TFAP2D: variants seen among roughly 807,000 people sequenced by gnomAD.
The protein encoded by TFAP2D is transcription factor AP-2 delta.
Under a neutral mutation model 43.6 loss-of-function variants are expected in TFAP2D, and 9 were observed. The observed-to-expected ratio is 0.21, with a 90% CI of 0.12 to 0.36. TFAP2D has a LOEUF of 0.36. Ranked by LOEUF, TFAP2D falls within the 10% of genes least tolerant of loss-of-function variation. The pLI is 1.00. For missense variants in TFAP2D, 513 were observed against 561.4 expected (o/e 0.91, Z 0.87); for synonymous variants, 256 against 224.9 (o/e 1.14, Z -1.24).
intron 5 of TFAP2D, among the ~76,000 whole-genome samples, chr6:50,730,410 T>C (rs1019881947): frequency 2.6e-5 from 4 of 152,082 alleles, no homozygotes; most frequent in Non-Finnish European, 5.9e-5. Flanking sequence ...TACCATGTTC[T>C]AGGTCTTGTG....
intron 7 of TFAP2D, among the ~76,000 whole-genome samples, chr6:50,762,328 A>C (rs2113892669): frequency 6.6e-6 from 1 of 151,964 alleles, no homozygotes; most frequent in African/African-American, 2.4e-5. Context: ...CCATTTTACA[A>C]GTCCACAGGT....
intron 3 of TFAP2D, among the ~76,000 whole-genome samples, chr6:50,724,444 AC>A (rs764860304): frequency 1.1e-4 from 17 of 152,196 alleles, no homozygotes; most frequent in Non-Finnish European, 2.2e-4. Flanking sequence ...CACCGACGCT[AC>A]GACGAGTGGG....
intron 5 of TFAP2D, among the ~76,000 whole-genome samples, chr6:50,740,548 T>C (rs963939683): frequency 6.6e-6 from 1 of 152,152 alleles, no homozygotes; most frequent in African/African-American, 2.4e-5. Context: ...ATTCTCTGCC[T>C]CAGCCTTCTG....
chr6:50,758,061 TA>T (rs1769314261), intron 7 of TFAP2D, among the ~76,000 whole-genome samples: 1 of 151,580 alleles, frequency 6.6e-6, no homozygotes, highest in African/African-American at 2.4e-5. Context: ...CATGATGTTT[TA>T]ATTGGACGAT....
chr6:50,766,207 G>A (rs950629287), intron 7 of TFAP2D, among the ~76,000 whole-genome samples: 26 of 152,080 alleles, frequency 1.7e-4, no homozygotes, highest in African/African-American at 6.3e-4. Context: ...GACTCGTTCT[G>A]TTCCATTGGT....
chr6:50,755,965 C>A (rs576644404), intron 7 of TFAP2D, among the ~76,000 whole-genome samples: 36 of 151,838 alleles, frequency 2.4e-4, no homozygotes, highest in South Asian at 1.2e-3. Context: ...GTCTCACGTA[C>A]CCTAGACTTC....
chr6:50,771,160 A>G (rs531566435), intron 7 of TFAP2D, among the ~76,000 whole-genome samples: 1 of 152,198 alleles, frequency 6.6e-6, no homozygotes, highest in Non-Finnish European at 1.5e-5. Context: ...TTATTAGTTA[A>G]TTAGTTAGTT....
intron 7 of TFAP2D, among the ~76,000 whole-genome samples, chr6:50,760,625 C>G (rs1769350251): frequency 6.6e-6 from 1 of 151,906 alleles, no homozygotes; most frequent in East Asian, 1.9e-4. Flanking sequence ...TACTTGGGAC[C>G]ATGAGATAAG....
intron 7 of TFAP2D, among the ~76,000 whole-genome samples, chr6:50,768,005 A>G (rs1769467726): frequency 6.6e-6 from 1 of 152,202 alleles, no homozygotes; most frequent in African/African-American, 2.4e-5. Context: ...TGCCTATTTC[A>G]AACCATCATG....
In TFAP2D at chr6:50,721,736, C is replaced by T. The variant is rs549880659; in HGVS notation, c.598+2586C>T. Among the ~76,000 whole-genome samples the T allele has an allele frequency of 5.3e-5, 8 of 152,320 alleles. No homozygotes were observed. The South Asian group carries it at 1.5e-3, about 28-fold the overall frequency. On this transcript the variant is annotated intron_variant, in intron 3 of 7. Coordinates refer to ENST00000008391, the MANE Select transcript of TFAP2D (RefSeq NM_172238.4). The stretch of plus-strand genomic sequence containing the variant: ...ATGTCTGTTTCTTTTCCAGCTCATG[C>T]TTGACCCACCACATGAAACATGATT...
At chr6:50,757,179 G>A (rs1218908722) in intron 7 of TFAP2D, among the ~76,000 whole-genome samples, 2 of 150,416 alleles carry the variant, frequency 1.3e-5, no homozygotes, top group Admixed American at 6.7e-5. Context: ...TATGTTAATG[G>A]CAGGTAGTGA....
intron 5 of TFAP2D, among the ~76,000 whole-genome samples, chr6:50,737,853 T>C (rs970604860): frequency 2.0e-5 from 3 of 152,158 alleles, no homozygotes; most frequent in Non-Finnish European, 2.9e-5. Context: ...CTATTACAAA[T>C]AGTGGTTCAA....
chr6:50,768,818 C>T (rs972892406), intron 7 of TFAP2D, among the ~76,000 whole-genome samples: 1 of 151,568 alleles, frequency 6.6e-6, no homozygotes, highest in Non-Finnish European at 1.5e-5. Context: ...GAAAGATGAC[C>T]TTTCAGGTCA....
chr6:50,742,567 G>GACAC (rs1327412800), intron 5 of TFAP2D, among the ~76,000 whole-genome samples: 2 of 136,178 alleles, frequency 1.5e-5, no homozygotes, highest in Non-Finnish European at 3.1e-5. Flanking sequence ...CACATAGACA[G>GACAC]ACACACATAG....
intron 6 of TFAP2D, among the ~76,000 whole-genome samples, chr6:50,748,004 C>T (rs1028109404): frequency 5.3e-5 from 8 of 151,982 alleles, no homozygotes; most frequent in Non-Finnish European, 8.8e-5. Flanking sequence ...ATTAACTTAT[C>T]TTACAGAAGA....
chr6:50,748,763 G>C (rs1228756909), intron 6 of TFAP2D, among the ~76,000 whole-genome samples: 1 of 151,842 alleles, frequency 6.6e-6, no homozygotes, highest in Non-Finnish European at 1.5e-5. Context: ...TCTAACATTT[G>C]ATCTGCATTA....
chr6:50,761,387 T>C (rs1001878282), intron 7 of TFAP2D, among the ~76,000 whole-genome samples: 1 of 152,016 alleles, frequency 6.6e-6, no homozygotes, highest in Non-Finnish European at 1.5e-5. Flanking sequence ...CATGATAGTG[T>C]CTATTACCTC....
intron 7 of TFAP2D, among the ~76,000 whole-genome samples, chr6:50,753,201 G>C (rs1324063393): frequency 6.6e-6 from 1 of 151,882 alleles, no homozygotes; most frequent in East Asian, 1.9e-4. Context: ...ATTTTACTCT[G>C]AGAAGGAGCA....
chr6:50,724,485 G>A (rs1768776733), intron 3 of TFAP2D, among the ~76,000 whole-genome samples: 1 of 152,150 alleles, frequency 6.6e-6, no homozygotes, highest in South Asian at 2.1e-4. Flanking sequence ...GAGGATGCGC[G>A]CACCGGCCCA....
Sources: allele counts gnomAD v4.1 joint callset (sites outside exome capture counted in the v4.1 genomes callset), GRCh38; gene constraint gnomAD v4.1.1; transcripts MANE v1.5; gene names NCBI Gene and HGNC (gene_info 2026-07-23, HGNC 2026-07-21).